The following ANK2 variants were observed in gnomAD, a reference collection of about 807,000 sequenced individuals.
The protein encoded by ANK2 is ankyrin 2.
A neutral mutation model predicts 360.5 loss-of-function variants in ANK2; 83 were observed. That is an observed-to-expected ratio of 0.23 (90% CI 0.19 to 0.28). ANK2 has a LOEUF of 0.28. ANK2 is among the 10% of genes least tolerant of loss of function. The pLI, the probability that ANK2 is intolerant of heterozygous loss-of-function variation, is 1.00. For synonymous variants in ANK2, 1,740 were observed against 1,759.5 expected, an observed-to-expected ratio of 0.99 and a Z score of 0.28; for missense variants, 4,201 against 4,795.7, an observed-to-expected ratio of 0.88 and a Z score of 3.66.
At chr4:113,014,509 C>A (rs1044074535) in intron 2 of ANK2, among the ~76,000 whole-genome samples, 3 of 152,124 alleles carry the variant, frequency 2.0e-5, no homozygotes, top group Non-Finnish European at 4.4e-5. Context: ...AATTCAAACC[C>A]GGATCTACCT....
intron 32 of ANK2, among the ~76,000 whole-genome samples, chr4:113,340,726 A>G (rs2094180273): frequency 7.1e-6 from 1 of 139,926 alleles, no homozygotes; most frequent in African/African-American, 3.2e-5. Context: ...AAACAAACAA[A>G]AAACAAACAA....
chr4:112,747,931 C>T, the ANK2 span, among the ~76,000 whole-genome samples: 1 of 152,048 alleles, frequency 6.6e-6, no homozygotes, highest in African/African-American at 2.4e-5. Context: ...CTAGAGAGTT[C>T]CTTGAAATGT....
intron 7 of ANK2, among the ~76,000 whole-genome samples, chr4:113,238,615 G>T (rs2099402100): frequency 6.6e-6 from 1 of 152,082 alleles, no homozygotes; most frequent in South Asian, 2.1e-4. Flanking sequence ...GATGCTTTTT[G>T]GTGATTATTT....
chr4:112,741,235 C>A, the ANK2 span, among the ~76,000 whole-genome samples: 78 of 152,292 alleles, frequency 5.1e-4, no homozygotes, highest in East Asian at 0.014. Context: ...GTTTTGCCTT[C>A]TTCTCCCAGG....
At chr4:113,242,320 T>C in intron 9 of ANK2, 111 bp downstream of exon 9, 2 of 921,566 alleles carry the variant, frequency 2.2e-6, no homozygotes, top group Non-Finnish European at 3.5e-6. Flanking sequence ...TTCAAGGAAA[T>C]TGCTTTATTG....
intron 1 of ANK2, among the ~76,000 whole-genome samples, chr4:112,848,211 A>G (rs892342826): frequency 6.6e-6 from 1 of 151,908 alleles, no homozygotes; most frequent in Non-Finnish European, 1.5e-5. Context: ...CTCCACCTCC[A>G]CCTCCTGGGT....
At chr4:113,362,693 C>T (rs1236184322) in intron 39 of ANK2, among the ~76,000 whole-genome samples, 1 of 152,158 alleles carries the variant, frequency 6.6e-6, no homozygotes, top group African/African-American at 2.4e-5. Context: ...CAAGCAATCC[C>T]TACCACCTCA....
chr4:113,038,158 G>A (rs2062018934), intron 2 of ANK2, among the ~76,000 whole-genome samples: 5 of 151,768 alleles, frequency 3.3e-5, no homozygotes, highest in Non-Finnish European at 7.4e-5. Context: ...AGAAGAGGAG[G>A]GGCCAAGGAG....
intron 1 of ANK2, among the ~76,000 whole-genome samples, chr4:112,841,522 A>C (rs2062073084): frequency 6.6e-6 from 1 of 152,220 alleles, no homozygotes; most frequent in South Asian, 2.1e-4. Context: ...ACAGATCTGA[A>C]GGTGCATTGA....
chr4:112,900,105 G>A (rs866795863), intron 1 of ANK2, among the ~76,000 whole-genome samples: 36 of 152,072 alleles, frequency 2.4e-4, no homozygotes, highest in Middle Eastern at 3.4e-3. Flanking sequence ...TTCAAAAATC[G>A]TCATCATTTT....
chr4:112,941,449 T>C (rs2094200491), intron 2 of ANK2, among the ~76,000 whole-genome samples: 3 of 144,296 alleles, frequency 2.1e-5, no homozygotes, highest in Non-Finnish European at 3.0e-5. Context: ...TATACATATA[T>C]CTTTTATAAA....
intron 1 of ANK2, among the ~76,000 whole-genome samples, chr4:113,078,975 T>G (rs2154345728): frequency 6.6e-6 from 1 of 152,352 alleles, no homozygotes; most frequent in South Asian, 2.1e-4. Flanking sequence ...AGTTGAAGGC[T>G]ATTTCATTAA....
At chr4:112,956,560 C>G (rs567657598) in intron 2 of ANK2, among the ~76,000 whole-genome samples, 1 of 152,344 alleles carries the variant, frequency 6.6e-6, no homozygotes, top group African/African-American at 2.4e-5. Context: ...GGGCGGGCAG[C>G]ATAGACAGCG....
chr4:112,860,025 A>G (rs544029554), intron 1 of ANK2, among the ~76,000 whole-genome samples: 1 of 152,326 alleles, frequency 6.6e-6, no homozygotes, highest in South Asian at 2.1e-4. Flanking sequence ...ATGTACCAGC[A>G]AATCTGATAG....
intron 1 of ANK2, among the ~76,000 whole-genome samples, chr4:112,850,284 CTA>C (rs2064404509): frequency 7.5e-6 from 1 of 134,064 alleles, no homozygotes. Flanking sequence ...ATCTATCTAT[CTA>C]TCTATCTATC....
chr4:113,341,556 T>C (rs2094303020), intron 32 of ANK2, 132 bp from the exon 33 acceptor site: 2 of 881,920 alleles, frequency 2.3e-6, no homozygotes, highest in Non-Finnish European at 3.6e-6. Flanking sequence ...CCTTCTCTCA[T>C]TATCTCCCTC....
chr4:112,854,728 A>C (rs992839037), intron 1 of ANK2, among the ~76,000 whole-genome samples: 21 of 152,266 alleles, frequency 1.4e-4, no homozygotes, highest in African/African-American at 5.1e-4. Flanking sequence ...TTAGGAGGAA[A>C]ACATTATAAT....
At chr4:112,913,859 G>A (rs2088682050) in intron 2 of ANK2, among the ~76,000 whole-genome samples, 1 of 152,062 alleles carries the variant, frequency 6.6e-6, no homozygotes. Flanking sequence ...GATAAATACA[G>A]CATTTTGAAA....
chr4:112,958,251 G>A (rs2032102945), intron 2 of ANK2, among the ~76,000 whole-genome samples: 1 of 152,232 alleles, frequency 6.6e-6, no homozygotes, highest in African/African-American at 2.4e-5. Context: ...GCGGCTGGGA[G>A]GTGGAGGTTG....
Sources: gnomAD v4.1 joint callset for allele counts (sites outside exome capture counted in the v4.1 genomes callset) on GRCh38, gnomAD v4.1.1 for gene constraint, MANE v1.5 for transcripts, NCBI Gene and HGNC (gene_info 2026-07-23, HGNC 2026-07-21) for gene names.